Variants in SHCBP1L observed in about 807,000 individuals in gnomAD.
SHCBP1L encodes the protein SHC binding and spindle associated 1 like, also known as testicular spindle-associated protein SHCBP1L.
SHCBP1L carries 67 observed loss-of-function variants against 62.5 expected under a neutral mutation model. That is an observed-to-expected ratio of 1.07 (90% CI 0.88 to 1.31). The LOEUF (loss-of-function observed/expected upper bound fraction) is 1.31. Ranked by LOEUF, SHCBP1L falls within the 40% of genes most tolerant of loss-of-function variation. The probability of loss-of-function intolerance (pLI) is 0.00; values close to 1 mark genes in which losing one functional copy is unlikely to be tolerated. For synonymous variants in SHCBP1L, 284 were observed against 289.4 expected, an observed-to-expected ratio of 0.98 and a Z score of 0.19; for missense variants, 823 against 809.8, an observed-to-expected ratio of 1.02 and a Z score of -0.20.
At chr1:182,920,041 C>T (rs984792043) in intron 6 of SHCBP1L, among the ~76,000 whole-genome samples, 5 of 152,206 alleles carry the variant, frequency 3.3e-5, no homozygotes, top group African/African-American at 1.2e-4. Flanking sequence ...CACAGTCCCA[C>T]CCTCGCTGGC....
At chr1:182,907,007 G>A (rs182082772) in intron 6 of SHCBP1L, among the ~76,000 whole-genome samples, 1 of 151,534 alleles carries the variant, frequency 6.6e-6, no homozygotes, top group Non-Finnish European at 1.5e-5. Context: ...TTGTAGAGGT[G>A]GGGTTTCTCT....
chr1:182,940,116 C>T (rs539773310), intron 3 of SHCBP1L, among the ~76,000 whole-genome samples: 4 of 151,988 alleles, frequency 2.6e-5, no homozygotes, highest in Non-Finnish European at 5.9e-5. Flanking sequence ...AAATTGCAAA[C>T]TTTTCATTAC....
intron 6 of SHCBP1L, among the ~76,000 whole-genome samples, chr1:182,913,467 T>G (rs1280723327): frequency 6.6e-6 from 1 of 152,112 alleles, no homozygotes; most frequent in Non-Finnish European, 1.5e-5. Context: ...TCACAGAAGT[T>G]TTCTGTATTG....
intron 6 of SHCBP1L, among the ~76,000 whole-genome samples, chr1:182,913,309 G>A (rs1176388906): frequency 6.6e-6 from 1 of 152,150 alleles, no homozygotes; most frequent in East Asian, 1.9e-4. Flanking sequence ...TGAGGGAGAG[G>A]AGCAGTTTTG....
chr1:182,946,938 C>T (rs1651585727), intron 2 of SHCBP1L, among the ~76,000 whole-genome samples: 1 of 152,062 alleles, frequency 6.6e-6, no homozygotes, highest in Admixed American at 6.6e-5. Context: ...ATATATGGTG[C>T]AAAGAAAAGC....
chr1:182,914,936 G>A lies in SHCBP1L; in HGVS notation c.1183-9287C>T, dbSNP rs569947678. On this transcript the variant is annotated intron_variant, in intron 6 of 9. Transcript: ENST00000367547. Reference sequence around the variant, plus strand: ...TGTAATCCCAACCCTTTGGGAGGGCGAGGTGGGCGGATCATGAGGTCAGGA... The same window carrying A: ...TGTAATCCCAACCCTTTGGGAGGGCAAGGTGGGCGGATCATGAGGTCAGGA... Among the ~76,000 whole-genome samples the A allele has an allele frequency of 1.2e-3, 182 of 152,026 alleles. 1 individual carries two copies. In the Middle Eastern group the frequency reaches 0.031, roughly 26 times the overall value.
chr1:182,948,151 C>G (rs927105795), intron 2 of SHCBP1L, among the ~76,000 whole-genome samples: 5 of 152,172 alleles, frequency 3.3e-5, no homozygotes, highest in Admixed American at 3.3e-4. Context: ...AAGTTATACA[C>G]GGATTTTTGA....
intron 3 of SHCBP1L, 60 bp downstream of exon 3, chr1:182,940,269 A>T (rs1651312810): frequency 3.5e-6 from 5 of 1,413,806 alleles, no homozygotes; most frequent in Non-Finnish European, 4.9e-6. Flanking sequence ...TATGAACAAA[A>T]CCTTCACATT....
chr1:182,910,209 A>G (rs1373914730), intron 6 of SHCBP1L, among the ~76,000 whole-genome samples: 1 of 152,194 alleles, frequency 6.6e-6, no homozygotes, highest in Non-Finnish European at 1.5e-5. Context: ...CTAGAACCTA[A>G]ATCAAACACA....
intron 9 of SHCBP1L, 32 bp downstream of exon 9, chr1:182,903,007 T>C: frequency 6.6e-7 from 1 of 1,512,952 alleles, no homozygotes; most frequent in Non-Finnish European, 8.9e-7. Flanking sequence ...ACAATTCTTA[T>C]AACAATGCTA....
At chr1:182,924,990 AGG>A (rs2101937732) in intron 6 of SHCBP1L, among the ~76,000 whole-genome samples, 1 of 125,714 alleles carries the variant, frequency 8.0e-6, no homozygotes, top group Admixed American at 7.8e-5. Context: ...AAAAGGAAGA[AGG>A]AAAGGAAGGA....
Position 182,900,249 on chromosome 1 carries a change from G to A in SHCBP1L, c.1711-15C>T. The A allele has an allele frequency of 6.6e-7, 1 of 1,520,094 alleles. No homozygotes were observed. The highest frequency in any genetic ancestry group is 8.8e-7 in the Non-Finnish European group (1 of 1,132,514). The allele number at this position is 1,520,094 out of a possible 1,614,324, so 94.2% of individuals were successfully genotyped here. On this transcript the variant is annotated splice_polypyrimidine_tract_variant and intron_variant, in intron 9 of 9. Coordinates refer to ENST00000367547, the MANE Select transcript of SHCBP1L (RefSeq NM_030933.4). The stretch of plus-strand genomic sequence containing the variant: ...GCTGGAAGAACCTATTAAATTATTT[G>A]AGGAAATTAGTTTTTCAATGATTTT...
chr1:182,952,235 T>TACACACAC (rs68031715), intron 1 of SHCBP1L, among the ~76,000 whole-genome samples: 27 of 42,838 alleles, frequency 6.3e-4, no homozygotes, highest in African/African-American at 3.0e-3. Flanking sequence ...TATATATATA[T>TACACACAC]ACACACACAC....
At chr1:182,919,916 C>T (rs1650475619) in intron 6 of SHCBP1L, among the ~76,000 whole-genome samples, 1 of 152,130 alleles carries the variant, frequency 6.6e-6, no homozygotes, top group Non-Finnish European at 1.5e-5. Context: ...TCATCCCCCA[C>T]TGCTTTGGAA....
At chr1:182,908,883 T>A (rs911413851) in intron 6 of SHCBP1L, among the ~76,000 whole-genome samples, 3 of 152,206 alleles carry the variant, frequency 2.0e-5, no homozygotes, top group East Asian at 1.9e-4. Context: ...ATGGGATTTT[T>A]AAAAAATTTG....
intron 6 of SHCBP1L, among the ~76,000 whole-genome samples, chr1:182,921,489 C>T (rs1009574892): frequency 6.6e-6 from 1 of 152,164 alleles, no homozygotes; most frequent in Non-Finnish European, 1.5e-5. Context: ...TTTGTTTTGA[C>T]AGGATCAAAT....
intron 6 of SHCBP1L, among the ~76,000 whole-genome samples, chr1:182,924,937 A>G (rs1650678065): frequency 1.7e-5 from 2 of 115,720 alleles, no homozygotes; most frequent in Admixed American, 1.6e-4. Flanking sequence ...GAAGGAAGGA[A>G]GAAAGAAAGA....
chr1:182,915,936 A>C (rs1415711192), intron 6 of SHCBP1L, among the ~76,000 whole-genome samples: 2 of 151,580 alleles, frequency 1.3e-5, no homozygotes, highest in Admixed American at 6.6e-5. Flanking sequence ...CCTCTCGAGT[A>C]GCTGGGACCA....
At chr1:182,925,233 G>A (rs72727055) in intron 6 of SHCBP1L, among the ~76,000 whole-genome samples, 4 of 152,110 alleles carry the variant, frequency 2.6e-5, no homozygotes, top group Admixed American at 1.3e-4. Flanking sequence ...GCGCACAAAA[G>A]GAAGTGAAAA....
Sources: gnomAD v4.1 joint callset for allele counts (sites outside exome capture counted in the v4.1 genomes callset) on GRCh38, gnomAD v4.1.1 for gene constraint, MANE v1.5 for transcripts, NCBI Gene and HGNC (gene_info 2026-07-23, HGNC 2026-07-21) for gene names.